SPOCK1: variants seen among roughly 807,000 people sequenced by gnomAD.
SPOCK1 encodes testican-1.
In SPOCK1, 23 loss-of-function variants were observed where a neutral mutation model predicts 55.3. That is an observed-to-expected ratio of 0.42 (90% CI 0.30 to 0.59). The LOEUF (loss-of-function observed/expected upper bound fraction) is 0.59. SPOCK1 is among the 20% of genes least tolerant of loss of function. The probability of loss-of-function intolerance (pLI) is 0.22; values close to 1 mark genes in which losing one functional copy is unlikely to be tolerated. For missense variants in SPOCK1, 499 were observed against 552.5 expected (o/e 0.90, Z 0.97); for synonymous variants, 226 against 221.0 (o/e 1.02, Z -0.20).
intron 5 of SPOCK1, among the ~76,000 whole-genome samples, chr5:137,079,313 T>C (rs749507539): frequency 1.3e-5 from 2 of 152,248 alleles, no homozygotes; most frequent in Non-Finnish European, 2.9e-5. Flanking sequence ...GACAGCTATA[T>C]AGATGCATGG....
At chr5:137,272,121 C>A (rs935434868) in intron 2 of SPOCK1, among the ~76,000 whole-genome samples, 1 of 152,216 alleles carries the variant, frequency 6.6e-6, no homozygotes, top group African/African-American at 2.4e-5. Context: ...TAGATCAGAA[C>A]TGAGTTTGTA....
At chr5:137,083,452 A>C (rs1374889868) in intron 5 of SPOCK1, among the ~76,000 whole-genome samples, 4 of 152,102 alleles carry the variant, frequency 2.6e-5, no homozygotes, top group Non-Finnish European at 1.5e-5. Flanking sequence ...AAATGGGGGA[A>C]ACCATGATGC....
At chr5:137,226,737 C>T (rs1234187775) in intron 3 of SPOCK1, among the ~76,000 whole-genome samples, 2 of 152,170 alleles carry the variant, frequency 1.3e-5, no homozygotes, top group African/African-American at 4.8e-5. Context: ...GGAAGATGGC[C>T]CTCCCCTGCT....
At chr5:137,160,320 TAA>T (rs1754501149) in intron 3 of SPOCK1, among the ~76,000 whole-genome samples, 1 of 129,914 alleles carries the variant, frequency 7.7e-6, no homozygotes, top group African/African-American at 2.8e-5. Context: ...TAGTATTCCA[TAA>T]TATATATATT....
intron 2 of SPOCK1, among the ~76,000 whole-genome samples, chr5:137,435,450 A>G (rs1220727740): frequency 7.3e-6 from 1 of 137,554 alleles, no homozygotes; most frequent in Non-Finnish European, 1.6e-5. Flanking sequence ...ACTTTCAGTG[A>G]ATTTCTTACC....
chr5:137,146,893 T>C (rs1561626583), intron 3 of SPOCK1, among the ~76,000 whole-genome samples: 1 of 152,254 alleles, frequency 6.6e-6, no homozygotes, highest in East Asian at 1.9e-4. Flanking sequence ...GTTGGACTCA[T>C]GCATTTAAGG....
intron 4 of SPOCK1, among the ~76,000 whole-genome samples, chr5:137,134,497 C>T (rs1753943923): frequency 1.3e-5 from 2 of 152,190 alleles, no homozygotes. Flanking sequence ...AAATGAAGAT[C>T]CTCTGAGCTT....
At chr5:137,172,889 T>C (rs543802619) in intron 3 of SPOCK1, among the ~76,000 whole-genome samples, 1 of 152,098 alleles carries the variant, frequency 6.6e-6, no homozygotes. Context: ...AAAGACAAGA[T>C]GAAAATTCAT....
intron 2 of SPOCK1, among the ~76,000 whole-genome samples, chr5:137,327,651 T>C (rs1450902179): frequency 6.6e-6 from 1 of 152,214 alleles, no homozygotes; most frequent in Non-Finnish European, 1.5e-5. Context: ...GACTTAATTT[T>C]TACACACAAG....
chr5:137,270,588 C>T (rs1329129718), intron 2 of SPOCK1, among the ~76,000 whole-genome samples: 1 of 152,192 alleles, frequency 6.6e-6, no homozygotes, highest in East Asian at 1.9e-4. Flanking sequence ...TATTATTCAA[C>T]CCTTTTTTAG....
At chr5:137,005,171 T>A (rs1288203972) in intron 6 of SPOCK1, among the ~76,000 whole-genome samples, 1 of 152,182 alleles carries the variant, frequency 6.6e-6, no homozygotes, top group African/African-American at 2.4e-5. Flanking sequence ...GAGGAGCCAT[T>A]TTTATAGGAG....
At chr5:137,436,857 A>G (rs956918270) in intron 2 of SPOCK1, among the ~76,000 whole-genome samples, 2 of 151,916 alleles carry the variant, frequency 1.3e-5, no homozygotes, top group African/African-American at 2.4e-5. Context: ...ATACATTTTT[A>G]CTCCTAAGTA....
intron 6 of SPOCK1, among the ~76,000 whole-genome samples, chr5:137,004,694 C>T (rs1751211946): frequency 6.6e-6 from 1 of 151,854 alleles, no homozygotes; most frequent in African/African-American, 2.4e-5. Context: ...AACAATGTAC[C>T]CAGGAAAAAA....
At chr5:137,434,491 T>C (rs926586530) in intron 2 of SPOCK1, among the ~76,000 whole-genome samples, 1 of 120,466 alleles carries the variant, frequency 8.3e-6, no homozygotes, top group East Asian at 2.3e-4. Context: ...TTTTTTTTTT[T>C]TTTTTTTTTT....
intron 6 of SPOCK1, among the ~76,000 whole-genome samples, chr5:137,041,204 T>C (rs550652615): frequency 7.6e-4 from 116 of 152,302 alleles, no homozygotes; most frequent in Non-Finnish European, 1.5e-3. Flanking sequence ...CAACTGATTT[T>C]TTTTAAAGGC....
chr5:137,236,065 A>G (rs181220028), intron 3 of SPOCK1, among the ~76,000 whole-genome samples: 47 of 152,350 alleles, frequency 3.1e-4, no homozygotes, highest in African/African-American at 1.0e-3. Context: ...GCTTAGAAAA[A>G]AATGACCAGC....
At position 137,160,666 on chromosome 5, in the gene SPOCK1, T is replaced by C. The variant is rs111425227; in HGVS notation, c.233-19972A>G. Among the ~76,000 whole-genome samples the C allele has an allele frequency of 4.6e-3, 480 of 104,232 alleles. 11 individuals are homozygous for C. The highest frequency in any genetic ancestry group is 0.021 in the African/African-American group (457 of 21,404). The allele number at this position is 104,232 out of a possible 152,430, so 68.4% of individuals were successfully genotyped here. ...TATATTTTATATAATATACAATATA[T>C]AATATATAATATATGTTATATATAT... On this transcript the variant is annotated intron_variant, in intron 3 of 10. Coordinates refer to ENST00000394945, the MANE Select transcript of SPOCK1 (RefSeq NM_004598.4).
chr5:137,062,383 T>C (rs1008066772), intron 6 of SPOCK1, among the ~76,000 whole-genome samples: 1 of 152,048 alleles, frequency 6.6e-6, no homozygotes, highest in African/African-American at 2.4e-5. Context: ...GAGTGGTTTA[T>C]GTCCCTGAAA....
At chr5:137,349,431 G>C (rs1213717985) in intron 2 of SPOCK1, among the ~76,000 whole-genome samples, 1 of 152,206 alleles carries the variant, frequency 6.6e-6, no homozygotes, top group African/African-American at 2.4e-5. Flanking sequence ...GGAGAAATTG[G>C]GGAATGACTT....
Sources: allele counts gnomAD v4.1 joint callset (sites outside exome capture counted in the v4.1 genomes callset), GRCh38; gene constraint gnomAD v4.1.1; transcripts MANE v1.5; gene names NCBI Gene and HGNC (gene_info 2026-07-23, HGNC 2026-07-21).